The following ANKRD44 variants were observed in gnomAD, a reference collection of about 807,000 sequenced individuals.
ANKRD44 encodes ankyrin repeat domain 44, also known as serine/threonine-protein phosphatase 6 regulatory ankyrin repeat subunit B.
Under a neutral mutation model 116.0 loss-of-function variants are expected in ANKRD44, and 35 were observed. That is an observed-to-expected ratio of 0.30 (90% CI 0.23 to 0.40). The LOEUF is 0.40. Among genes scored for constraint, ANKRD44 ranks in the 10% least tolerant of loss-of-function variants. ANKRD44 has a pLI of 1.00. For missense variants in ANKRD44, 1,014 were observed against 1,242.6 expected (o/e 0.82, Z 2.77); for synonymous variants, 435 against 461.8 (o/e 0.94, Z 0.74).
intron 2 of ANKRD44, among the ~76,000 whole-genome samples, chr2:197,160,234 G>A (rs1163935232): frequency 6.6e-6 from 1 of 152,058 alleles, no homozygotes; most frequent in Non-Finnish European, 1.5e-5. Flanking sequence ...ATGAAAAATA[G>A]GATTACCTAC....
intron 17 of ANKRD44, among the ~76,000 whole-genome samples, chr2:197,024,098 T>G (rs1216312531): frequency 6.6e-6 from 1 of 152,196 alleles, no homozygotes; most frequent in African/African-American, 2.4e-5. Flanking sequence ...CCAATCCTTG[T>G]GTGATGGCCT....
intron 2 of ANKRD44, among the ~76,000 whole-genome samples, chr2:197,179,337 A>T (rs1288778461): frequency 6.6e-6 from 1 of 152,042 alleles, no homozygotes; most frequent in East Asian, 1.9e-4. Flanking sequence ...TCCCCACTCA[A>T]CTCCTACCAC....
intron 1 of ANKRD44, among the ~76,000 whole-genome samples, chr2:197,219,304 G>A (rs375871128): frequency 4.6e-5 from 7 of 152,018 alleles, no homozygotes; most frequent in South Asian, 2.1e-4. Context: ...TCCTGACCTC[G>A]TGATCTGCCC....
At chr2:197,310,537 C>T in intron 1 of ANKRD44, 41 bp downstream of exon 1, 1 of 1,072,630 alleles carries the variant, frequency 9.3e-7, no homozygotes, top group East Asian at 8.1e-5. Context: ...CGCGCCGCCC[C>T]GCGCCCGCGC....
intron 17 of ANKRD44, among the ~76,000 whole-genome samples, chr2:197,019,995 T>TACAA (rs1364610453): frequency 3.9e-5 from 6 of 152,036 alleles, no homozygotes; most frequent in African/African-American, 1.4e-4. Flanking sequence ...TTTGTATTTT[T>TACAA]AGTAGAGATG....
Position 197,122,700 on chromosome 2 carries a change from A to C in ANKRD44, c.643T>G (p.Ser215Ala), listed in dbSNP as rs1181439000. Residue 215 changes from serine to alanine, a missense_variant, in exon 7 of 28, where the codon TCC (serine) becomes GCC (alanine). Coordinates refer to ENST00000282272, the MANE Select transcript of ANKRD44 (RefSeq NM_001195144.2). The part of the protein sequence containing the change: ...KGYTPLHAAA[S>A]NGQINVVKHL... ...TTGACAACATTAATCTGTCCATTGGAGGCTGCAGCATGCAGAGGGGTATAA... is the reference window on the plus strand; with the variant it reads ...TTGACAACATTAATCTGTCCATTGGCGGCTGCAGCATGCAGAGGGGTATAA... The C allele has an allele frequency of 1.9e-6, 3 of 1,614,116 alleles. No homozygotes were observed. The highest frequency in any genetic ancestry group is 2.5e-6 in the Non-Finnish European group (3 of 1,180,042).
At chr2:197,029,929 T>C (rs920766814) in intron 16 of ANKRD44, 4 of 192,186 alleles carry the variant, frequency 2.1e-5, no homozygotes, top group African/African-American at 9.5e-5. Context: ...GCAAGTGGCA[T>C]ATCATTTTTG....
chr2:197,199,646 T>C (rs2081048515), intron 1 of ANKRD44, among the ~76,000 whole-genome samples: 1 of 152,158 alleles, frequency 6.6e-6, no homozygotes, highest in African/African-American at 2.4e-5. Flanking sequence ...TGCTATATTG[T>C]CCAGGGTGGT....
chr2:197,074,635 C>T (rs898526846), intron 16 of ANKRD44, among the ~76,000 whole-genome samples: 3 of 152,048 alleles, frequency 2.0e-5, no homozygotes, highest in East Asian at 3.8e-4. Flanking sequence ...CATCACCATA[C>T]CTGGCTAATT....
chr2:197,021,556 G>A (rs1250223227), intron 17 of ANKRD44, among the ~76,000 whole-genome samples: 1 of 152,230 alleles, frequency 6.6e-6, no homozygotes, highest in African/African-American at 2.4e-5. Flanking sequence ...GACCAGGGAT[G>A]ATGAGCATTT....
intron 18 of ANKRD44, among the ~76,000 whole-genome samples, chr2:197,009,904 T>C (rs1210730865): frequency 1.3e-5 from 2 of 152,010 alleles, no homozygotes; most frequent in Non-Finnish European, 2.9e-5. Context: ...TAATAATCTC[T>C]CCCCACTAGT....
intron 1 of ANKRD44, among the ~76,000 whole-genome samples, chr2:197,245,831 G>T (rs979634592): frequency 1.3e-5 from 2 of 152,150 alleles, no homozygotes; most frequent in African/African-American, 4.8e-5. Context: ...AATTCTTTCA[G>T]AAACATTCCA....
intron 2 of ANKRD44, among the ~76,000 whole-genome samples, chr2:197,186,259 G>A (rs59666162): frequency 0.064 from 9,789 of 152,124 alleles, 1,057 homozygotes; most frequent in African/African-American, 0.22. Flanking sequence ...ACTGACTTCT[G>A]ATTGGAATTT....
chr2:197,204,857 G>C (rs1442060207), intron 1 of ANKRD44, among the ~76,000 whole-genome samples: 1 of 152,234 alleles, frequency 6.6e-6, no homozygotes, highest in Non-Finnish European at 1.5e-5. Context: ...GGAAGATGGT[G>C]TAGGTTAATT....
In ANKRD44 at chr2:197,310,736, T is replaced by C; in HGVS notation, c.-132A>G. ...CTCCCGAATTTGACAGCCCTCCCCCTGCTCCTCCTCCGCCGCCGCCTCCTC... is the reference window on the plus strand; with the variant it reads ...CTCCCGAATTTGACAGCCCTCCCCCCGCTCCTCCTCCGCCGCCGCCTCCTC... On this transcript the variant is annotated 5_prime_UTR_variant, in exon 1 of 28. Transcript: ENST00000282272. 1 of 904,468 alleles carries C rather than the reference T, an allele frequency of 1.1e-6. No homozygotes were observed. Among genetic ancestry groups the C allele is most frequent in the Non-Finnish European group, 1.4e-6 (1 of 696,410 alleles). The allele number at this position is 904,468 out of a possible 1,614,324, so 56.0% of individuals were successfully genotyped here. A position where few individuals can be genotyped will look rare whatever the true frequency, so the allele number is the denominator to read the frequency against.
intron 1 of ANKRD44, among the ~76,000 whole-genome samples, chr2:197,247,313 C>G (rs905206064): frequency 6.6e-6 from 1 of 152,194 alleles, no homozygotes; most frequent in African/African-American, 2.4e-5. Flanking sequence ...AACAGATCTG[C>G]ATCCCAGATG....
Position 197,090,062 on chromosome 2 carries a change from G to A in ANKRD44, c.1101-30C>T, listed in dbSNP as rs369347175. Reference sequence around the variant, plus strand: ...GGAGTAAGAAAACAGAGCAACTCACGGCAACAGATCTCAAGATACATGCGG... The same window carrying A: ...GGAGTAAGAAAACAGAGCAACTCACAGCAACAGATCTCAAGATACATGCGG... On this transcript the variant is annotated intron_variant, in intron 10 of 27. Transcript: ENST00000282272. 12 of 1,537,282 alleles carry A rather than the reference G, an allele frequency of 7.8e-6. No individual in the cohort carries two copies. In the South Asian group the frequency reaches 9.0e-5, roughly 11 times the overall value.
At chr2:197,179,944 G>A (rs1281989761) in intron 2 of ANKRD44, among the ~76,000 whole-genome samples, 1 of 152,198 alleles carries the variant, frequency 6.6e-6, no homozygotes, top group Admixed American at 6.5e-5. Flanking sequence ...GGGCGTGGAT[G>A]AGAGTGGATG....
At chr2:197,243,880 G>T (rs1416873027) in intron 1 of ANKRD44, among the ~76,000 whole-genome samples, 1 of 152,062 alleles carries the variant, frequency 6.6e-6, no homozygotes, top group Non-Finnish European at 1.5e-5. Context: ...ATTTTGGTGG[G>T]GACACAAACA....
Sources: gnomAD v4.1 joint callset for allele counts (sites outside exome capture counted in the v4.1 genomes callset) on GRCh38, gnomAD v4.1.1 for gene constraint, MANE v1.5 for transcripts, NCBI Gene and HGNC (gene_info 2026-07-23, HGNC 2026-07-21) for gene names.